NCAM2: variants seen among roughly 807,000 people sequenced by gnomAD.
NCAM2 encodes the protein neural cell adhesion molecule 2.
Under a neutral mutation model 98.1 loss-of-function variants are expected in NCAM2, and 30 were observed. The observed-to-expected ratio is 0.31, with a 90% CI of 0.23 to 0.41. The LOEUF (loss-of-function observed/expected upper bound fraction) is 0.41, where lower values mean the gene tolerates loss of function less well. NCAM2 is among the 10% of genes least tolerant of loss of function. The probability of loss-of-function intolerance (pLI) is 1.00; values close to 1 mark genes in which losing one functional copy is unlikely to be tolerated. For synonymous variants in NCAM2, 368 were observed against 342.4 expected (o/e 1.07, Z -0.83); for missense variants, 867 against 1,005.8 (o/e 0.86, Z 1.87).
At chr21:21,385,060 T>G (rs1449222239) in intron 9 of NCAM2, among the ~76,000 whole-genome samples, 1 of 152,080 alleles carries the variant, frequency 6.6e-6, no homozygotes, top group East Asian at 1.9e-4. Context: ...TATTAAATCT[T>G]AATTCCCTTT....
At chr21:21,432,978 T>C (rs1395292633) in intron 12 of NCAM2, among the ~76,000 whole-genome samples, 2 of 152,158 alleles carry the variant, frequency 1.3e-5, no homozygotes, top group African/African-American at 4.8e-5. Flanking sequence ...GTTCCATAGG[T>C]CTGTTCTATG....
chr21:21,007,587 T>C (rs1037500087), intron 1 of NCAM2, among the ~76,000 whole-genome samples: 2 of 152,146 alleles, frequency 1.3e-5, no homozygotes, highest in African/African-American at 4.8e-5. Flanking sequence ...TTTTAGATGA[T>C]ATAAGGTAAC....
chr21:21,020,113 T>C (rs1601110088), intron 1 of NCAM2, among the ~76,000 whole-genome samples: 1 of 152,254 alleles, frequency 6.6e-6, no homozygotes, highest in East Asian at 1.9e-4. Flanking sequence ...CTAAGTTCAC[T>C]GCTACCTCTG....
Position 21,533,826 on chromosome 21 carries a change from T to C in NCAM2, c.2283-711T>C, listed in dbSNP as rs895070190. ...TAATAAGTTTTCTAGTTTTCATCAA[T>C]TGTGAAAAATTACATTCACTGTTAT... On this transcript the variant is annotated intron_variant, in intron 16 of 17. Coordinates refer to ENST00000400546, the MANE Select transcript of NCAM2 (RefSeq NM_004540.5). Among the ~76,000 whole-genome samples the C allele has an allele frequency of 1.1e-4, 16 of 152,092 alleles. 1 individual carries two copies. The highest frequency in any genetic ancestry group is 3.6e-4 in the African/African-American group (15 of 41,542).
At chr21:21,469,453 A>G (rs1422127372) in intron 14 of NCAM2, among the ~76,000 whole-genome samples, 1 of 151,968 alleles carries the variant, frequency 6.6e-6, no homozygotes. Flanking sequence ...TTTTTTCCAT[A>G]AGTACCTTGG....
At chr21:21,512,992 T>G (rs1049933206) in intron 16 of NCAM2, among the ~76,000 whole-genome samples, 1 of 152,104 alleles carries the variant, frequency 6.6e-6, no homozygotes, top group Non-Finnish European at 1.5e-5. Flanking sequence ...TGGTGGAGTT[T>G]TTAGCATTTT....
intron 1 of NCAM2, among the ~76,000 whole-genome samples, chr21:21,071,744 T>A (rs2065568261): frequency 6.6e-6 from 1 of 152,178 alleles, no homozygotes; most frequent in Non-Finnish European, 1.5e-5. Flanking sequence ...TAAGATGGAA[T>A]AATTAAAATG....
At chr21:21,419,930 C>A (rs1039879025) in intron 11 of NCAM2, among the ~76,000 whole-genome samples, 1 of 151,934 alleles carries the variant, frequency 6.6e-6, no homozygotes, top group Non-Finnish European at 1.5e-5. Context: ...CCTGAGGAAT[C>A]GTCACACTGA....
intron 6 of NCAM2, 42 bp downstream of exon 6, chr21:21,324,542 C>T: frequency 7.6e-7 from 1 of 1,317,932 alleles, no homozygotes; most frequent in African/African-American, 1.8e-5. Context: ...TGTCCATTAT[C>T]AGGCTTATGG....
chr21:21,365,238 CGTGTGTGTGTGT>C (rs66559489), intron 8 of NCAM2, among the ~76,000 whole-genome samples: 1 of 147,012 alleles, frequency 6.8e-6, no homozygotes, highest in Admixed American at 6.8e-5. Context: ...TTGCTTAGTG[CGTGTGTGTGTGT>C]GTGTGTGTGT....
chr21:21,304,727 G>T (rs1244943936), intron 5 of NCAM2, among the ~76,000 whole-genome samples: 1 of 152,010 alleles, frequency 6.6e-6, no homozygotes, highest in Non-Finnish European at 1.5e-5. Flanking sequence ...GAGAATAATT[G>T]TCTTCTTGAC....
chr21:21,021,744 A>G (rs1277625603), intron 1 of NCAM2, among the ~76,000 whole-genome samples: 1 of 152,208 alleles, frequency 6.6e-6, no homozygotes, highest in African/African-American at 2.4e-5. Context: ...ATTTTAAACC[A>G]TATTTCTCCA....
intron 1 of NCAM2, among the ~76,000 whole-genome samples, chr21:21,035,819 A>G (rs1320306950): frequency 1.3e-5 from 2 of 152,212 alleles, no homozygotes; most frequent in East Asian, 1.9e-4. Flanking sequence ...AGAAAGCATC[A>G]GTATAAAGCA....
chr21:21,234,805 A>G (rs2070755148), intron 1 of NCAM2, among the ~76,000 whole-genome samples: 1 of 151,970 alleles, frequency 6.6e-6, no homozygotes, highest in Admixed American at 6.6e-5. Context: ...ATGCCTGACC[A>G]ACAGGTCATT....
intron 16 of NCAM2, among the ~76,000 whole-genome samples, chr21:21,511,049 A>G (rs233785): frequency 0.63 from 96,005 of 151,854 alleles, 30,805 homozygotes; most frequent in African/African-American, 0.7. Context: ...GGCATACAAT[A>G]TGTAATAATC....
chr21:21,137,844 T>A (rs1042114634), intron 1 of NCAM2, among the ~76,000 whole-genome samples: 1 of 151,456 alleles, frequency 6.6e-6, no homozygotes, highest in Non-Finnish European at 1.5e-5. Context: ...GTCACTTCAT[T>A]TTTTTTTTCT....
chr21:21,393,770 TA>T (rs1264796959), intron 9 of NCAM2, among the ~76,000 whole-genome samples: 1 of 152,136 alleles, frequency 6.6e-6, no homozygotes, highest in Non-Finnish European at 1.5e-5. Context: ...AAATTATACT[TA>T]AAAATGATAC....
At chr21:21,376,971 T>A (rs2076047517) in intron 9 of NCAM2, among the ~76,000 whole-genome samples, 1 of 151,732 alleles carries the variant, frequency 6.6e-6, no homozygotes, top group African/African-American at 2.4e-5. Flanking sequence ...TGAAAAAAAT[T>A]TTCTTACTAT....
chr21:21,486,673 A>AT (rs1455097718), intron 15 of NCAM2, among the ~76,000 whole-genome samples: 2 of 152,106 alleles, frequency 1.3e-5, no homozygotes, highest in Non-Finnish European at 2.9e-5. Context: ...ATGACAAAAT[A>AT]TTTTTTTGGA....
Sources: gnomAD v4.1 joint callset for allele counts (sites outside exome capture counted in the v4.1 genomes callset) on GRCh38, gnomAD v4.1.1 for gene constraint, MANE v1.5 for transcripts, NCBI Gene and HGNC (gene_info 2026-07-23, HGNC 2026-07-21) for gene names.